The following RNF157 variants were observed in gnomAD, a reference collection of about 807,000 sequenced individuals.
RNF157 encodes E3 ubiquitin ligase RNF157.
RNF157 carries 55 observed loss-of-function variants against 88.3 expected under a neutral mutation model. The ratio of observed to expected loss-of-function variants is 0.62; its 90% CI spans 0.50 to 0.78. The LOEUF (loss-of-function observed/expected upper bound fraction) is 0.78. RNF157 is among the 30% of genes least tolerant of loss of function. The pLI is 0.00. For missense variants in RNF157, 788 were observed against 860.8 expected, an observed-to-expected ratio of 0.92 and a Z score of 1.06; for synonymous variants, 334 against 341.2, an observed-to-expected ratio of 0.98 and a Z score of 0.23.
chr17:76,164,482 C>T, intron 8 of RNF157: 1 of 299,456 alleles, frequency 3.3e-6, no homozygotes. Context: ...CAGATAAAGG[C>T]TCCCTCAACA....
intron 18 of RNF157, chr17:76,147,643 C>G (rs2068605008): frequency 6.6e-6 from 1 of 152,292 alleles, no homozygotes; most frequent in Non-Finnish European, 1.5e-5. Flanking sequence ...GCGGGGGGCA[C>G]CTTCCCCTGG....
At chr17:76,203,878 C>T (rs1210161657) in intron 2 of RNF157, among the ~76,000 whole-genome samples, 1 of 151,782 alleles carries the variant, frequency 6.6e-6, no homozygotes, top group Non-Finnish European at 1.5e-5. Context: ...CGCCATTCTC[C>T]TGCCTCAGCC....
At chr17:76,213,408 A>G (rs2069835288) in intron 1 of RNF157, among the ~76,000 whole-genome samples, 1 of 151,940 alleles carries the variant, frequency 6.6e-6, no homozygotes, top group Admixed American at 6.6e-5. Flanking sequence ...CATCTCTACT[A>G]AAAATACAAA....
intron 1 of RNF157, chr17:76,226,402 G>C (rs1328355719): frequency 1.4e-5 from 23 of 1,595,822 alleles, no homozygotes; most frequent in Non-Finnish European, 1.9e-5. Flanking sequence ...TCACCATCTG[G>C]GGGGGCACCT....
chr17:76,154,058 C>G lies in RNF157; in HGVS notation c.1810+225G>C, dbSNP rs2068723484. 14 of 544,306 alleles carry G rather than the reference C, an allele frequency of 2.6e-5. No individual in the cohort carries two copies. The South Asian group carries it at 2.8e-4, about 11-fold the overall frequency. 33.7% of individuals were successfully genotyped at this position (544,306 alleles called of 1,614,324 possible). On this transcript the variant is annotated intron_variant, in intron 17 of 18. Transcript: ENST00000269391. ...GTATGTATCTCCTGCAGCACCCGCA[C>G]CTGACATCCATGGCTCTGAGGCCCA...
At chr17:76,169,585 T>TG (rs1337735636) in intron 3 of RNF157, among the ~76,000 whole-genome samples, 2 of 150,924 alleles carry the variant, frequency 1.3e-5, no homozygotes, top group African/African-American at 4.9e-5. Context: ...TTAGGTTTTT[T>TG]TTTTTTTTTT....
intron 6 of RNF157, 122 bp downstream of exon 6, chr17:76,166,339 G>C: frequency 1.2e-6 from 1 of 804,612 alleles, no homozygotes; most frequent in Non-Finnish European, 2.1e-6. Flanking sequence ...TGCAGAGACT[G>C]CCTGACTCAC....
intron 1 of RNF157, among the ~76,000 whole-genome samples, chr17:76,223,649 T>C (rs2070027864): frequency 6.6e-6 from 1 of 152,194 alleles, no homozygotes; most frequent in African/African-American, 2.4e-5. Flanking sequence ...CCCCTTAGTC[T>C]CAAAAACATT....
At chr17:76,174,945 GT>G (rs1189604967) in intron 2 of RNF157, among the ~76,000 whole-genome samples, 2 of 152,096 alleles carry the variant, frequency 1.3e-5, no homozygotes, top group Non-Finnish European at 2.9e-5. Flanking sequence ...AAAAATGATA[GT>G]TTTTTCTAAT....
chr17:76,214,368 A>G (rs1278182074), intron 1 of RNF157, among the ~76,000 whole-genome samples: 1 of 152,132 alleles, frequency 6.6e-6, no homozygotes, highest in Non-Finnish European at 1.5e-5. Context: ...TTTTTCCTAT[A>G]TCCGCAGACG....
At chr17:76,226,169 G>A (rs1348225007) in intron 1 of RNF157, 19 of 1,606,462 alleles carry the variant, frequency 1.2e-5, no homozygotes, top group Non-Finnish European at 1.5e-5. Flanking sequence ...ATCTGAAGGG[G>A]TGTCTTCCTC....
rs141101268 is a variant in RNF157 at position 76,142,658 on chromosome 17, G to A, written c.*2577C>T. 2.0e-5 allele frequency: 3 copies of A among 152,506 alleles called. No homozygotes were observed. Among genetic ancestry groups the A allele is most frequent in the Non-Finnish European group, 4.4e-5 (3 of 68,234 alleles). 9.4% of individuals were successfully genotyped at this position (152,506 alleles called of 1,614,324 possible). ...GACCAAAGCAAAGTGAGCGACCAGC[G>A]TGCTAAACTCCAGGTGGGCAGGACC... On this transcript the variant is annotated 3_prime_UTR_variant, in exon 19 of 19. Transcript: ENST00000269391.
chr17:76,204,479 C>T (rs1370495461), intron 2 of RNF157, among the ~76,000 whole-genome samples: 1 of 152,214 alleles, frequency 6.6e-6, no homozygotes, highest in Non-Finnish European at 1.5e-5. Flanking sequence ...CATGTCTTTT[C>T]ATCTCTGCAT....
intron 2 of RNF157, among the ~76,000 whole-genome samples, chr17:76,192,762 T>C (rs2069407684): frequency 6.6e-6 from 1 of 151,862 alleles, no homozygotes; most frequent in African/African-American, 2.4e-5. Flanking sequence ...AAAATGAAGA[T>C]GAAATGATTT....
intron 2 of RNF157, among the ~76,000 whole-genome samples, chr17:76,192,970 C>T (rs762991219): frequency 4.3e-4 from 65 of 151,968 alleles, no homozygotes; most frequent in Non-Finnish European, 7.4e-4. Flanking sequence ...AACAGCCGCG[C>T]GCCACCACAC....
chr17:76,171,938 G>C (rs1267292908), intron 3 of RNF157, among the ~76,000 whole-genome samples: 1 of 152,218 alleles, frequency 6.6e-6, no homozygotes, highest in Non-Finnish European at 1.5e-5. Flanking sequence ...TCAAATGTGT[G>C]AATGTGCCAT....
intron 2 of RNF157, among the ~76,000 whole-genome samples, chr17:76,184,163 C>T (rs1350354251): frequency 1.3e-5 from 2 of 150,220 alleles, no homozygotes; most frequent in Non-Finnish European, 3.0e-5. Context: ...TGTACTCCAG[C>T]CTGGGCGACA....
In RNF157 at chr17:76,195,731, C is replaced by T. The variant is rs1011327237; in HGVS notation, c.207+16633G>A. Among the ~76,000 whole-genome samples, 3 of 152,180 alleles carry T rather than the reference C, an allele frequency of 2.0e-5. No homozygotes were observed. The highest frequency in any genetic ancestry group is 7.2e-5 in the African/African-American group (3 of 41,446). Reference sequence around the variant, plus strand: ...AGCACAGGAATAGTTTGTTCCTTCTCGTTGCTGTACGCCATTGAGGTAGGA... The same window carrying T: ...AGCACAGGAATAGTTTGTTCCTTCTTGTTGCTGTACGCCATTGAGGTAGGA... On this transcript the variant is annotated intron_variant, in intron 2 of 18. Transcript: ENST00000269391. The surrounding 1 kb of genome is among the most constrained non-coding windows in gnomAD (Gnocchi z 4.4).
At chr17:76,162,046 C>T in intron 9 of RNF157, 44 bp from the exon 10 acceptor site, 8 of 1,593,242 alleles carry the variant, frequency 5.0e-6, no homozygotes, top group Non-Finnish European at 6.9e-6. Flanking sequence ...CAAAGCCCTT[C>T]CTGTCCCATA....
Sources: gnomAD v4.1 joint callset for allele counts (sites outside exome capture counted in the v4.1 genomes callset) on GRCh38, gnomAD v4.1.1 for gene constraint, Gnocchi (gnomAD v3.1) non-coding constraint, MANE v1.5 for transcripts, NCBI Gene and HGNC (gene_info 2026-07-23, HGNC 2026-07-21) for gene names.